The following PCDH15 variants were observed in gnomAD, a reference collection of about 807,000 sequenced individuals.
PCDH15 encodes the protein protocadherin-15.
A neutral mutation model predicts 178.5 loss-of-function variants in PCDH15; 129 were observed. The observed-to-expected ratio is 0.72, with a 90% CI of 0.63 to 0.84. PCDH15 has a LOEUF of 0.84. Among genes scored for constraint, PCDH15 ranks in the 40% least tolerant of loss-of-function variants. The pLI, the probability that PCDH15 is intolerant of heterozygous loss-of-function variation, is 0.00. For synonymous variants in PCDH15, 800 were observed against 732.0 expected (o/e 1.09, Z -1.50); for missense variants, 2,230 against 2,099.9 (o/e 1.06, Z -1.21).
At chr10:55,346,446 T>C (rs1001619454) in intron 2 of PCDH15, among the ~76,000 whole-genome samples, 5 of 152,138 alleles carry the variant, frequency 3.3e-5, no homozygotes, top group African/African-American at 4.8e-5. Flanking sequence ...TTAATTCTTA[T>C]AATATACTCT....
At chr10:54,653,824 G>A (rs190832076) in intron 2 of PCDH15, among the ~76,000 whole-genome samples, 91 of 152,218 alleles carry the variant, frequency 6.0e-4, no homozygotes, top group Non-Finnish European at 1.1e-3. Flanking sequence ...ACTCCAAAAT[G>A]TTTTAACAGT....
Position 55,257,274 on chromosome 10 carries a change from A to G in PCDH15, c.-156+62325T>C, listed in dbSNP as rs558381046. Among the ~76,000 whole-genome samples the G allele has an allele frequency of 1.3e-3, 203 of 152,270 alleles. 1 individual carries two copies. In the South Asian group the frequency reaches 0.014, roughly 10 times the overall value. ...GGTAGATAAAACCACAAAGATGGGG[A>G]AAAAACAGCAGAAAAAGTGGAAACT... On this transcript the variant is annotated intron_variant, in intron 1 of 5. Coordinates refer to the PCDH15 transcript ENST00000458638.
chr10:54,424,595 A>T lies in PCDH15; in HGVS notation c.158-45653T>A, dbSNP rs530685611. Among the ~76,000 whole-genome samples, 14 of 149,884 alleles carry T rather than the reference A, an allele frequency of 9.3e-5. No homozygotes were observed. The South Asian group carries it at 2.1e-3, about 22-fold the overall frequency. ...TGTGGCATTATTCACAATAGCAAAG[A>T]CTTGGAACCAACCCACATGTCCATC... On this transcript the variant is annotated intron_variant, in intron 3 of 37. Transcript: ENST00000644397.
intron 1 of PCDH15, among the ~76,000 whole-genome samples, chr10:55,205,906 C>G (rs1591988806): frequency 6.6e-6 from 1 of 151,988 alleles, no homozygotes; most frequent in African/African-American, 2.4e-5. Flanking sequence ...TCATATCTTA[C>G]GTTGATGGCA....
At chr10:54,669,181 A>G (rs1018576375) in intron 1 of PCDH15, among the ~76,000 whole-genome samples, 3 of 152,112 alleles carry the variant, frequency 2.0e-5, no homozygotes, top group African/African-American at 4.8e-5. Flanking sequence ...TAATGTCTTC[A>G]TCAGTACAGA....
chr10:55,274,110 G>A (rs572549033), intron 1 of PCDH15, among the ~76,000 whole-genome samples: 8 of 152,120 alleles, frequency 5.3e-5, no homozygotes, highest in South Asian at 4.2e-4. Flanking sequence ...TGTTCTAGTT[G>A]GTTTGTATAC....
At chr10:54,765,266 C>CT (rs1187994482) in intron 1 of PCDH15, among the ~76,000 whole-genome samples, 5 of 152,016 alleles carry the variant, frequency 3.3e-5, no homozygotes, top group African/African-American at 1.2e-4. Context: ...AGCTAAATAC[C>CT]TTTTTAGCAA....
chr10:54,324,091 C>A (rs1158273816), intron 7 of PCDH15, among the ~76,000 whole-genome samples: 1 of 152,066 alleles, frequency 6.6e-6, no homozygotes, highest in African/African-American at 2.4e-5. Flanking sequence ...GCCCAAGAAA[C>A]TTGCAGAGTT....
chr10:54,898,091 T>A (rs1954577279), intron 2 of PCDH15, among the ~76,000 whole-genome samples: 1 of 152,052 alleles, frequency 6.6e-6, no homozygotes, highest in African/African-American at 2.4e-5. Context: ...GACTGTGAGT[T>A]CTCACGATGT....
At chr10:54,088,710 T>C (rs1243308196) in intron 16 of PCDH15, among the ~76,000 whole-genome samples, 1 of 152,192 alleles carries the variant, frequency 6.6e-6, no homozygotes, top group Non-Finnish European at 1.5e-5. Context: ...CCACTTTGAG[T>C]TCATTTTTGT....
intron 2 of PCDH15, among the ~76,000 whole-genome samples, chr10:55,425,618 T>A (rs1037659199): frequency 6.6e-6 from 1 of 150,506 alleles, no homozygotes; most frequent in Non-Finnish European, 1.5e-5. Context: ...TTAAAAAAAA[T>A]CTTGTGGGTC....
chr10:55,135,074 G>T (rs1359648123), intron 2 of PCDH15, among the ~76,000 whole-genome samples: 1 of 152,016 alleles, frequency 6.6e-6, no homozygotes, highest in East Asian at 1.9e-4. Flanking sequence ...TGTTATTTTT[G>T]ATAATTTGAA....
chr10:54,339,297 G>C (rs1464914824), intron 6 of PCDH15, among the ~76,000 whole-genome samples: 2 of 151,914 alleles, frequency 1.3e-5, no homozygotes, highest in Non-Finnish European at 2.9e-5. Context: ...AGATTAGACA[G>C]ACACCTCTGA....
chr10:54,185,909 T>C (rs1399235548), intron 11 of PCDH15, among the ~76,000 whole-genome samples: 1 of 152,056 alleles, frequency 6.6e-6, no homozygotes, highest in Non-Finnish European at 1.5e-5. Flanking sequence ...CAAATGTGTC[T>C]GATAGAAAAG....
chr10:55,575,079 T>C (rs752630405), intron 2 of PCDH15, among the ~76,000 whole-genome samples: 18 of 152,144 alleles, frequency 1.2e-4, no homozygotes, highest in Non-Finnish European at 1.9e-4. Context: ...GGCTCTCTTA[T>C]TTGACCTCTG....
intron 7 of PCDH15, 21 bp from the exon 8 acceptor site, chr10:54,317,462 C>T: frequency 6.2e-7 from 1 of 1,612,906 alleles, no homozygotes; most frequent in African/African-American, 1.3e-5. Context: ...GAAAAACAAA[C>T]AACAGGTAGT....
intron 2 of PCDH15, among the ~76,000 whole-genome samples, chr10:55,428,080 T>G (rs768028859): frequency 1.2e-4 from 19 of 152,054 alleles, no homozygotes; most frequent in Non-Finnish European, 1.5e-5. Flanking sequence ...TGGTCTATTT[T>G]AGCTTATTTC....
intron 1 of PCDH15, among the ~76,000 whole-genome samples, chr10:54,776,461 G>C (rs540190164): frequency 6.6e-6 from 1 of 151,690 alleles, no homozygotes; most frequent in Non-Finnish European, 1.5e-5. Context: ...ATTCCAAGCA[G>C]TTCATACCTG....
intron 3 of PCDH15, among the ~76,000 whole-genome samples, chr10:54,821,749 T>C (rs1243604595): frequency 6.6e-6 from 1 of 152,138 alleles, no homozygotes; most frequent in Non-Finnish European, 1.5e-5. Context: ...GAATTGTACT[T>C]AGCTTCACAA....
Sources: gnomAD v4.1 joint callset for allele counts (sites outside exome capture counted in the v4.1 genomes callset) on GRCh38, gnomAD v4.1.1 for gene constraint, MANE v1.5 for transcripts, NCBI Gene and HGNC (gene_info 2026-07-23, HGNC 2026-07-21) for gene names.